AGMO: variants seen among roughly 807,000 people sequenced by gnomAD.
AGMO encodes the protein glyceryl-ether monooxygenase.
AGMO carries 75 observed loss-of-function variants against 60.2 expected under a neutral mutation model. That is an observed-to-expected ratio of 1.25 (90% CI 1.03 to 1.51). AGMO has a LOEUF of 1.51. AGMO is among the 40% of genes most tolerant of loss of function. AGMO has a pLI of 0.00. For synonymous variants in AGMO, 261 were observed against 177.1 expected (o/e 1.47, Z -3.76); for missense variants, 763 against 525.5 (o/e 1.45, Z -4.42).
intron 12 of AGMO, among the ~76,000 whole-genome samples, chr7:15,322,537 TATATATATAAATATATATAAATATATAA>T (rs1212471936): frequency 2.0e-3 from 93 of 46,354 alleles, no homozygotes; most frequent in African/African-American, 6.4e-3. Flanking sequence ...AATATATAAA[TATATATATAAATATATATAAATATATAA>T]ATATATATAA....
intron 3 of AGMO, among the ~76,000 whole-genome samples, chr7:15,538,581 C>A (rs1784537729): frequency 6.6e-6 from 1 of 151,938 alleles, no homozygotes; most frequent in Non-Finnish European, 1.5e-5. Context: ...TAATGTATAG[C>A]AAAGAGTTAC....
Position 15,276,885 on chromosome 7 carries a change from T to C in AGMO, c.1264-75526A>G, listed in dbSNP as rs372821977. ...TTTTCATTTCCAGAACTCTGTGCCA[T>C]TTTTCCTTTTTTTTTTTTTTTAAGA... is the stretch of plus-strand genomic sequence containing the variant. On this transcript the variant is annotated intron_variant, in intron 12 of 12. Transcript: ENST00000342526. Among the ~76,000 whole-genome samples the C allele has an allele frequency of 3.2e-4, 36 of 114,016 alleles. 1 individual carries two copies. The highest frequency in any genetic ancestry group is 1.2e-3 in the African/African-American group (36 of 29,764). The allele number at this position is 114,016 out of a possible 152,430, so 74.8% of individuals were successfully genotyped here.
intron 3 of AGMO, among the ~76,000 whole-genome samples, chr7:15,449,749 G>A (rs1336407531): frequency 6.6e-6 from 1 of 152,184 alleles, no homozygotes; most frequent in South Asian, 2.1e-4. Flanking sequence ...TATTAAACCA[G>A]CAGACGTTGG....
intron 10 of AGMO, among the ~76,000 whole-genome samples, chr7:15,377,123 T>G (rs1783488390): frequency 6.6e-6 from 1 of 152,092 alleles, no homozygotes. Context: ...ATATTGCTGT[T>G]GGATTTTAAT....
chr7:15,151,090 T>C, the AGMO span, among the ~76,000 whole-genome samples: 1 of 152,156 alleles, frequency 6.6e-6, no homozygotes, highest in East Asian at 1.9e-4. Context: ...TTACAGGTTC[T>C]CTAGTTCGTG....
At chr7:15,354,178 G>A (rs982572340) in intron 12 of AGMO, among the ~76,000 whole-genome samples, 1 of 150,794 alleles carries the variant, frequency 6.6e-6, no homozygotes, top group Admixed American at 6.6e-5. Flanking sequence ...CACCCCAAAT[G>A]GCTTATTTTC....
chr7:15,483,515 G>T (rs1782820759), intron 3 of AGMO, among the ~76,000 whole-genome samples: 1 of 152,050 alleles, frequency 6.6e-6, no homozygotes, highest in Non-Finnish European at 1.5e-5. Context: ...GCAGTGAGCC[G>T]CGATAGATCG....
At chr7:15,120,771 T>TC in the AGMO span, among the ~76,000 whole-genome samples, 1 of 152,160 alleles carries the variant, frequency 6.6e-6, no homozygotes, top group Non-Finnish European at 1.5e-5. Context: ...TTCTTTTTTT[T>TC]CTTTTTTTGA....
At chr7:15,419,851 A>T (rs1408747260) in intron 4 of AGMO, among the ~76,000 whole-genome samples, 1 of 152,020 alleles carries the variant, frequency 6.6e-6, no homozygotes, top group African/African-American at 2.4e-5. Flanking sequence ...TTAGTGGCGG[A>T]GGGGAAAACC....
intron 5 of AGMO, among the ~76,000 whole-genome samples, chr7:15,406,474 T>G (rs1337168957): frequency 8.0e-6 from 1 of 125,412 alleles, no homozygotes; most frequent in East Asian, 2.4e-4. Flanking sequence ...TACACATATA[T>G]GTATATGTAT....
At chr7:15,429,916 T>C (rs978413382) in intron 4 of AGMO, among the ~76,000 whole-genome samples, 2 of 152,014 alleles carry the variant, frequency 1.3e-5, no homozygotes, top group Non-Finnish European at 2.9e-5. Context: ...TCAGAAAAGA[T>C]AACATAAGTG....
chr7:15,244,141 G>T (rs1782672848), intron 12 of AGMO, among the ~76,000 whole-genome samples: 1 of 151,654 alleles, frequency 6.6e-6, no homozygotes, highest in Admixed American at 6.6e-5. Context: ...AGAAAGAAGG[G>T]AAAATAAAAA....
intron 12 of AGMO, among the ~76,000 whole-genome samples, chr7:15,204,286 G>T (rs1344166888): frequency 6.6e-6 from 1 of 152,090 alleles, no homozygotes; most frequent in Non-Finnish European, 1.5e-5. Context: ...AATTTTCCTT[G>T]TCCAACTGTT....
At chr7:15,204,296 T>C (rs1276171706) in intron 12 of AGMO, among the ~76,000 whole-genome samples, 3 of 152,176 alleles carry the variant, frequency 2.0e-5, no homozygotes, top group African/African-American at 7.2e-5. Flanking sequence ...GTCCAACTGT[T>C]CTCTTGATTT....
At chr7:15,357,962 G>A (rs1210286399) in intron 12 of AGMO, among the ~76,000 whole-genome samples, 1 of 152,020 alleles carries the variant, frequency 6.6e-6, no homozygotes, top group Non-Finnish European at 1.5e-5. Context: ...CCAAAGAAAA[G>A]AAAGGAAGAG....
At chr7:15,517,882 A>T (rs1783863516) in intron 3 of AGMO, among the ~76,000 whole-genome samples, 2 of 152,138 alleles carry the variant, frequency 1.3e-5, no homozygotes, top group East Asian at 3.9e-4. Context: ...TGCTCAGAGG[A>T]TCCCACCCCC....
At chr7:15,199,418 A>G (rs1025376393), downstream of AGMO, among the ~76,000 whole-genome samples, 1 of 152,230 alleles carries the variant, frequency 6.6e-6, no homozygotes, top group Non-Finnish European at 1.5e-5. Flanking sequence ...CATTTCTATT[A>G]TTAAACTCAT....
chr7:15,420,234 T>C (rs1053121101), intron 4 of AGMO, among the ~76,000 whole-genome samples: 1 of 152,090 alleles, frequency 6.6e-6, no homozygotes, highest in East Asian at 1.9e-4. Context: ...AGTGGTAAAT[T>C]AAACAACTGA....
chr7:15,134,003 A>G, the AGMO span, among the ~76,000 whole-genome samples: 1 of 152,184 alleles, frequency 6.6e-6, no homozygotes, highest in Non-Finnish European at 1.5e-5. Flanking sequence ...CTATATCATA[A>G]ATACCATCGA....
Sources: allele counts gnomAD v4.1 joint callset (sites outside exome capture counted in the v4.1 genomes callset), GRCh38; gene constraint gnomAD v4.1.1; transcripts MANE v1.5; gene names NCBI Gene and HGNC (gene_info 2026-07-23, HGNC 2026-07-21).